Variants in NF1 observed in about 807,000 individuals in gnomAD.
NF1 encodes the protein neurofibromin.
NF1 carries 122 observed loss-of-function variants against 325.7 expected under a neutral mutation model. That is an observed-to-expected ratio of 0.37 (90% CI 0.32 to 0.44). The LOEUF (loss-of-function observed/expected upper bound fraction) is 0.44. Ranked by LOEUF, NF1 falls within the 20% of genes least tolerant of loss-of-function variation. NF1 has a pLI of 1.00. For synonymous variants in NF1, 1,091 were observed against 1,186.0 expected (o/e 0.92, Z 1.65); for missense variants, 2,140 against 3,415.4 (o/e 0.63, Z 9.31).
chr17:31,127,257 A>G (rs936850815), intron 1 of NF1, among the ~76,000 whole-genome samples: 1 of 152,100 alleles, frequency 6.6e-6, no homozygotes, highest in Non-Finnish European at 1.5e-5. Flanking sequence ...ATGCCTTTCC[A>G]TATTGGTTTT....
At chr17:31,369,096 A>T (rs934777653) in intron 57 of NF1, among the ~76,000 whole-genome samples, 1 of 152,118 alleles carries the variant, frequency 6.6e-6, no homozygotes, top group Non-Finnish European at 1.5e-5. Context: ...TTGTTTTATT[A>T]TTTCATGATA....
chr17:31,140,625 A>G (rs556905323), intron 1 of NF1, among the ~76,000 whole-genome samples: 7 of 152,366 alleles, frequency 4.6e-5, no homozygotes, highest in Admixed American at 4.6e-4. Flanking sequence ...AGATGAAATC[A>G]CTTCATAAAG....
At chr17:31,158,632 G>A (rs1347611273) in intron 2 of NF1, among the ~76,000 whole-genome samples, 1 of 152,060 alleles carries the variant, frequency 6.6e-6, no homozygotes, top group Non-Finnish European at 1.5e-5. Context: ...TGGTGCTATA[G>A]CATGTTTTTG....
chr17:31,320,590 A>G (rs1462289314), intron 36 of NF1: 22 of 574,326 alleles, frequency 3.8e-5, no homozygotes, highest in Non-Finnish European at 6.1e-5. Context: ...GTAATAAACA[A>G]TGCTAACTGG....
intron 36 of NF1, chr17:31,321,606 A>C (rs574794347): frequency 1.5e-4 from 23 of 152,268 alleles, no homozygotes; most frequent in African/African-American, 5.5e-4. Flanking sequence ...CCTTAAAGTA[A>C]ATCTGCAGTA....
chr17:31,213,425 T>G (rs1870740323), intron 12 of NF1, among the ~76,000 whole-genome samples: 2 of 152,338 alleles, frequency 1.3e-5, no homozygotes, highest in South Asian at 4.1e-4. Context: ...TTGAGGATAG[T>G]TCATTTGTGT....
intron 8 of NF1, among the ~76,000 whole-genome samples, chr17:31,196,377 C>A (rs2066434133): frequency 6.6e-6 from 1 of 151,944 alleles, no homozygotes; most frequent in Non-Finnish European, 1.5e-5. Context: ...ATTTGTAAGG[C>A]TCTAAATTTT....
chr17:31,157,934 C>T (rs1216633937), intron 2 of NF1, among the ~76,000 whole-genome samples: 1 of 151,926 alleles, frequency 6.6e-6, no homozygotes, highest in Non-Finnish European at 1.5e-5. Context: ...CACTGCACTC[C>T]AGCCTGGGTG....
At chr17:31,181,268 C>G (rs920755680) in intron 5 of NF1, among the ~76,000 whole-genome samples, 154 bp from the exon 6 acceptor site, 1 of 152,108 alleles carries the variant, frequency 6.6e-6, no homozygotes, top group Non-Finnish European at 1.5e-5. Context: ...AGACAACTAT[C>G]GAGTTTTGGG....
intron 1 of NF1, among the ~76,000 whole-genome samples, chr17:31,130,144 TTAACTGGC>T (rs1915244357): frequency 6.6e-6 from 1 of 151,010 alleles, no homozygotes; most frequent in South Asian, 2.1e-4. Context: ...GTAGGTTCAG[TTAACTGGC>T]TTCATTACTG....
At position 31,376,781 on chromosome 17, in the gene NF1, G is replaced by C. The variant is rs2070737235; in HGVS notation, c.*2626G>C. On this transcript the variant is annotated 3_prime_UTR_variant, in exon 58 of 58. Coordinates refer to ENST00000358273, the MANE Select transcript of NF1 (RefSeq NM_001042492.3). ...AAGAGGAAACCAGGAACTCAGTCAT[G>C]TTTTTGTCCTGGATAATCTACCTGT... The C allele has an allele frequency of 4.3e-6, 1 of 233,108 alleles. No individual in the cohort carries two copies. Among genetic ancestry groups the C allele is most frequent in the Non-Finnish European group, 8.5e-6 (1 of 117,994 alleles). 14.4% of individuals were successfully genotyped at this position (233,108 alleles called of 1,614,324 possible).
At chr17:31,140,897 A>G (rs1278944899) in intron 1 of NF1, among the ~76,000 whole-genome samples, 1 of 152,236 alleles carries the variant, frequency 6.6e-6, no homozygotes, top group African/African-American at 2.4e-5. Flanking sequence ...AATGTTTTTA[A>G]AAAGTCAAGT....
At position 31,305,152 on chromosome 17, in the gene NF1, A is replaced by G. The variant is rs747693623; in HGVS notation, c.4836-20668A>G. ...TATTTGTTTTCTAGAAGGGATCTGGACAGATGATGATTGTTGAGTAAAAGT... is the reference window on the plus strand; with the variant it reads ...TATTTGTTTTCTAGAAGGGATCTGGGCAGATGATGATTGTTGAGTAAAAGT... On this transcript the variant is annotated intron_variant, in intron 36 of 57. Coordinates refer to ENST00000358273, the MANE Select transcript of NF1 (RefSeq NM_001042492.3). 43 of 1,614,168 alleles carry G rather than the reference A, an allele frequency of 2.7e-5. No homozygotes were observed. The highest frequency in any genetic ancestry group is 3.5e-5 in the Non-Finnish European group (41 of 1,180,036).
intron 39 of NF1, chr17:31,331,303 A>C (rs1413155696): frequency 6.6e-6 from 1 of 152,216 alleles, no homozygotes; most frequent in African/African-American, 2.4e-5. Flanking sequence ...ATATGAGAGA[A>C]GATTTGAGTG....
intron 49 of NF1, 46 bp from the exon 50 acceptor site, chr17:31,350,137 C>G: frequency 1.2e-6 from 2 of 1,610,374 alleles, no homozygotes; most frequent in Non-Finnish European, 1.7e-6. Context: ...TTAAGTCACA[C>G]TTGTGATTTG....
At chr17:31,290,709 A>C (rs534161640) in intron 36 of NF1, among the ~76,000 whole-genome samples, 1 of 152,272 alleles carries the variant, frequency 6.6e-6, no homozygotes, top group East Asian at 1.9e-4. Context: ...TTCTCTCTCA[A>C]GAAAAGCTAA....
At chr17:31,177,523 C>G (rs2066045622) in intron 5 of NF1, among the ~76,000 whole-genome samples, 1 of 151,936 alleles carries the variant, frequency 6.6e-6, no homozygotes, top group Non-Finnish European at 1.5e-5. Context: ...ATGAGTTTGA[C>G]AAATTGACAG....
At chr17:31,357,133 A>G (rs768913424) in intron 53 of NF1, 43 bp downstream of exon 53, 2 of 1,611,788 alleles carry the variant, frequency 1.2e-6, no homozygotes, top group African/African-American at 1.3e-5. Context: ...TCAAATTTTT[A>G]TTCCAGTCTA....
chr17:31,144,556 G>A (rs527986937), intron 1 of NF1, among the ~76,000 whole-genome samples: 114 of 152,312 alleles, frequency 7.5e-4, no homozygotes, highest in Non-Finnish European at 7.8e-4. Context: ...TGACACTGGA[G>A]AATCCCTTCC....
Sources: allele counts gnomAD v4.1 joint callset (sites outside exome capture counted in the v4.1 genomes callset), GRCh38; gene constraint gnomAD v4.1.1; transcripts MANE v1.5; gene names NCBI Gene and HGNC (gene_info 2026-07-23, HGNC 2026-07-21).